C5orf22: variants seen among roughly 807,000 people sequenced by gnomAD.
C5orf22 encodes the protein chromosome 5 open reading frame 22.
C5orf22 carries 36 observed loss-of-function variants against 48.7 expected under a neutral mutation model. The ratio of observed to expected loss-of-function variants is 0.74; its 90% confidence interval spans 0.57 to 0.98. The LOEUF (loss-of-function observed/expected upper bound fraction) is 0.98, where lower values mean the gene tolerates loss of function less well. C5orf22 is among the 50% of genes least tolerant of loss of function. C5orf22 has a pLI of 0.00. For missense variants in C5orf22, 486 were observed against 521.9 expected (o/e 0.93, Z 0.67); for synonymous variants, 141 against 180.8 (o/e 0.78, Z 1.76).
chr5:31,540,939 T>C lies in C5orf22; in HGVS notation c.808-10T>C. 3 of 1,601,820 alleles carry C rather than the reference T, an allele frequency of 1.9e-6. No homozygotes were observed. Among genetic ancestry groups the C allele is most frequent in the Non-Finnish European group, 2.6e-6 (3 of 1,174,660 alleles). ...TTTCTGGTATGTGGATTTTTTGTTTTGTTTTCCAGGAAGAGTACAAAATCT... is the reference window on the plus strand; with the variant it reads ...TTTCTGGTATGTGGATTTTTTGTTTCGTTTTCCAGGAAGAGTACAAAATCT... On this transcript the variant is annotated splice_polypyrimidine_tract_variant and intron_variant, in intron 4 of 8. Transcript: ENST00000325366.
At position 31,554,343 on chromosome 5, in the gene C5orf22, C is replaced by T. The variant is rs549335190; in HGVS notation, c.*1441C>T. ...CTTTGTGCTAATAACGAAGGACACA[C>T]ATTATCATTGCCTCACAGTGGATGG... On this transcript the variant is annotated 3_prime_UTR_variant, in exon 9 of 9. Coordinates refer to ENST00000325366, the MANE Select transcript of C5orf22 (RefSeq NM_018356.3). The T allele has an allele frequency of 1.3e-5, 2 of 152,306 alleles. No homozygotes were observed. Among genetic ancestry groups the T allele is most frequent in the South Asian group, 2.1e-4 (1 of 4,820 alleles). 9.4% of individuals were successfully genotyped at this position (152,306 alleles called of 1,614,324 possible).
At chr5:31,536,144 G>T (rs1241098622) in intron 3 of C5orf22, among the ~76,000 whole-genome samples, 2 of 152,126 alleles carry the variant, frequency 1.3e-5, no homozygotes, top group Non-Finnish European at 2.9e-5. Context: ...GGGCTTCATT[G>T]GTGATTAACT....
intron 4 of C5orf22, among the ~76,000 whole-genome samples, chr5:31,539,215 T>C (rs1258866582): frequency 6.6e-6 from 1 of 152,232 alleles, no homozygotes; most frequent in Admixed American, 6.5e-5. Context: ...TAGAGATGAC[T>C]TAAAGTATAT....
chr5:31,545,549 G>A lies in C5orf22; in HGVS notation c.993-97G>A, dbSNP rs1742831061. 1.1e-4 allele frequency: 92 copies of A among 816,796 alleles called. No individual in the cohort carries two copies. In the South Asian group the frequency reaches 1.4e-3, roughly 12 times the overall value. 50.6% of individuals were successfully genotyped at this position (816,796 alleles called of 1,614,324 possible). On this transcript the variant is annotated intron_variant, in intron 6 of 8. Transcript: ENST00000325366. ...ATTTCCCAAGTGCCATATGAAGCAT[G>A]TTATTATGGTAAATGTTAGTATAAT...
Position 31,550,565 on chromosome 5 carries a change from AT to A in C5orf22, c.1060-717del, listed in dbSNP as rs909139587. Among the ~76,000 whole-genome samples, 272 of 148,982 alleles carry A rather than the reference AT, an allele frequency of 1.8e-3. 1 individual carries two copies. The highest frequency in any genetic ancestry group is 5.3e-3 in the African/African-American group (217 of 40,870). On this transcript the variant is annotated intron_variant, in intron 7 of 8. Transcript: ENST00000325366. ...TAAAAATGAGATAAGAATATGTACA[AT>A]TTTTTTTTTTCTTTTTGAGACGGAG...
At chr5:31,550,769 T>C (rs140977823) in intron 7 of C5orf22, among the ~76,000 whole-genome samples, 2,349 of 151,968 alleles carry the variant, frequency 0.015, 67 homozygotes, top group African/African-American at 0.054. Flanking sequence ...TCCATGTTGG[T>C]CAGGCTGGTC....
chr5:31,538,262 T>C lies in C5orf22; in HGVS notation c.380T>C (p.Val127Ala), dbSNP rs34357988. The change falls in exon 4 of 9, where the codon GTT becomes GCT. Residue 127 changes from valine to alanine, a missense_variant and splice_region_variant. By Grantham distance (64) the Val-to-Ala change is moderately conservative. Around this residue, in one of 3 missense-constraint regions of C5orf22, gnomAD observed 408 missense variants for 444.0 expected, o/e 0.92. Transcript: ENST00000325366. ...GKDTSTTTIR[V>A]TSTDHYFLSD... ...AATCGTTTTTTCCTCTGATTCAGGG[T>C]TACAAGTACAGATCATTATTTCCTA... The C allele has an allele frequency of 2.6e-3, 4,114 of 1,575,062 alleles. 9 individuals are homozygous for C. The highest frequency in any genetic ancestry group is 5.8e-3 in the Middle Eastern group (34 of 5,830).
At chr5:31,552,334 A>G (rs552283953) in intron 8 of C5orf22, among the ~76,000 whole-genome samples, 8 of 152,356 alleles carry the variant, frequency 5.3e-5, no homozygotes, top group African/African-American at 1.9e-4. Context: ...TTTTAGAAAT[A>G]GGATCCTTTT....
At chr5:31,542,452 T>TTTGAGA (rs2150075827) in intron 6 of C5orf22, among the ~76,000 whole-genome samples, 1 of 110,576 alleles carries the variant, frequency 9.0e-6, no homozygotes, top group South Asian at 3.5e-4. Flanking sequence ...CTGGACTTTT[T>TTTGAGA]CTGAGACTCC....
At chr5:31,541,915 ATTATTAT>A (rs150641277) in intron 6 of C5orf22, among the ~76,000 whole-genome samples, 162 of 152,226 alleles carry the variant, frequency 1.1e-3, no homozygotes, top group African/African-American at 3.5e-3. Context: ...TTATGGTTTT[ATTATTAT>A]TATGTCAATT....
intron 6 of C5orf22, among the ~76,000 whole-genome samples, chr5:31,544,219 G>A (rs992435316): frequency 4.6e-5 from 7 of 152,252 alleles, no homozygotes; most frequent in African/African-American, 1.7e-4. Context: ...ATTTGTGGAG[G>A]AGGAATTAAA....
chr5:31,536,314 A>G (rs1742088301), intron 3 of C5orf22, among the ~76,000 whole-genome samples: 1 of 152,174 alleles, frequency 6.6e-6, no homozygotes, highest in Non-Finnish European at 1.5e-5. Flanking sequence ...AGGTCAAGAG[A>G]TCGAGATCAT....
At chr5:31,534,517 TG>T in intron 2 of C5orf22, 100 bp downstream of exon 2, 1 of 1,099,824 alleles carries the variant, frequency 9.1e-7, no homozygotes, top group East Asian at 2.5e-5. Context: ...CTCATGGGTT[TG>T]GGGGTTTTTT....
At position 31,553,651 on chromosome 5, in the gene C5orf22, T is replaced by G. The variant is rs1743429882; in HGVS notation, c.*749T>G. Reference sequence around the variant, plus strand: ...TACTACCAAAAAAACCCCACAAATTTGCCAATCCATGAAAGTATCATAGGA... The same window carrying G: ...TACTACCAAAAAAACCCCACAAATTGGCCAATCCATGAAAGTATCATAGGA... On this transcript the variant is annotated 3_prime_UTR_variant, in exon 9 of 9. Coordinates refer to ENST00000325366, the MANE Select transcript of C5orf22 (RefSeq NM_018356.3). 6.6e-6 allele frequency: 1 copy of G among 152,070 alleles called. No homozygotes were observed. Among genetic ancestry groups the G allele is most frequent in the African/African-American group, 2.4e-5 (1 of 41,388 alleles). 9.4% of individuals were successfully genotyped at this position (152,070 alleles called of 1,614,324 possible). A position where few individuals can be genotyped will look rare whatever the true frequency, so the allele number is the denominator to read the frequency against.
At chr5:31,547,357 T>C (rs1742959818) in intron 7 of C5orf22, among the ~76,000 whole-genome samples, 1 of 152,232 alleles carries the variant, frequency 6.6e-6, no homozygotes, top group Non-Finnish European at 1.5e-5. Flanking sequence ...GTACAAGCTG[T>C]CAGTGGATCT....
chr5:31,544,441 G>A lies in C5orf22; in HGVS notation c.993-1205G>A, dbSNP rs547431247. Among the ~76,000 whole-genome samples the A allele has an allele frequency of 2.0e-4, 31 of 151,884 alleles. No homozygotes were observed. The East Asian group carries it at 3.9e-3, about 19-fold the overall frequency. ...TACTAAAAAATAAAAAAAATTAGCCGGGCGTGGTGGCGGGCACCTGTAGTC... is the reference window on the plus strand; with the variant it reads ...TACTAAAAAATAAAAAAAATTAGCCAGGCGTGGTGGCGGGCACCTGTAGTC... On this transcript the variant is annotated intron_variant, in intron 6 of 8. Coordinates refer to ENST00000325366, the MANE Select transcript of C5orf22 (RefSeq NM_018356.3).
In C5orf22 at chr5:31,538,300, T is replaced by C. The variant is rs1416586457; in HGVS notation, c.418T>C (p.Tyr140His). The change falls in exon 4 of 9, where the codon TAT becomes CAT. Residue 140 changes from tyrosine (Y) to histidine (H), a missense_variant. Transcript: ENST00000325366. The stretch of plus-strand genomic sequence containing the variant: ...TCATTATTTCCTAAGTGATGGTCTG[T>C]ATGTACCTGAAGACCAGCTAGAGAA... ...TDHYFLSDGL[Y>H]VPEDQLENQK... The C allele has an allele frequency of 1.2e-6, 2 of 1,613,708 alleles. No individual in the cohort carries two copies. Among genetic ancestry groups the C allele is most frequent in the African/African-American group, 1.3e-5 (1 of 74,976 alleles).
intron 7 of C5orf22, among the ~76,000 whole-genome samples, chr5:31,545,967 A>AT (rs1742856182): frequency 6.6e-6 from 1 of 152,044 alleles, no homozygotes; most frequent in Non-Finnish European, 1.5e-5. Context: ...GTTTTTTGTA[A>AT]TTTTGTCTGT....
chr5:31,542,385 G>A (rs528960515), intron 6 of C5orf22, among the ~76,000 whole-genome samples: 17 of 150,892 alleles, frequency 1.1e-4, no homozygotes, highest in South Asian at 2.1e-4. Flanking sequence ...GCGTGAATCC[G>A]GGAGGCGGAG....
Sources: gnomAD v4.1 joint callset for allele counts (sites outside exome capture counted in the v4.1 genomes callset) on GRCh38, gnomAD v4.1.1 for gene constraint, gnomAD v4.1.1 regional missense constraint, MANE v1.5 for transcripts, NCBI Gene and HGNC (gene_info 2026-07-23, HGNC 2026-07-21) for gene names.